Variants in STRADB observed in about 807,000 individuals in gnomAD.
STRADB encodes STE20 related adaptor beta, also known as STE20-related kinase adapter protein beta.
In STRADB, 34 loss-of-function variants were observed where a neutral mutation model predicts 52.1. The observed-to-expected ratio is 0.65, with a 90% confidence interval of 0.50 to 0.87. STRADB has a LOEUF of 0.87. Ranked by LOEUF, STRADB falls within the 40% of genes least tolerant of loss-of-function variation. The pLI, the probability that STRADB is intolerant of heterozygous loss-of-function variation, is 0.00. For synonymous variants in STRADB, 133 were observed against 174.5 expected (o/e 0.76, Z 1.87); for missense variants, 340 against 483.9 (o/e 0.70, Z 2.79).
chr2:201,463,331 CAAA>C (rs574453771), intron 3 of STRADB, among the ~76,000 whole-genome samples: 1 of 113,162 alleles, frequency 8.8e-6, no homozygotes, highest in African/African-American at 3.4e-5. Context: ...GAGACTGTCT[CAAA>C]AAAAAAAAAA....
intron 3 of STRADB, 114 bp downstream of exon 3, chr2:201,458,978 A>G (rs922642885): frequency 1.3e-6 from 1 of 796,724 alleles, no homozygotes; most frequent in Non-Finnish European, 2.0e-6. Flanking sequence ...CCTGGGCAAC[A>G]TAGTGAGATC....
intron 3 of STRADB, among the ~76,000 whole-genome samples, chr2:201,468,825 T>C (rs1178280208): frequency 6.6e-6 from 1 of 152,242 alleles, no homozygotes; most frequent in Non-Finnish European, 1.5e-5. Context: ...GTCTCTTTTA[T>C]GTGGTCATTA....
At chr2:201,471,579 T>A (rs1952389561) in intron 4 of STRADB, among the ~76,000 whole-genome samples, 1 of 152,164 alleles carries the variant, frequency 6.6e-6, no homozygotes, top group Non-Finnish European at 1.5e-5. Context: ...AGTCATACAG[T>A]TAGTGATTTG....
chr2:201,460,374 C>A (rs1300233719), intron 3 of STRADB, among the ~76,000 whole-genome samples: 2 of 152,020 alleles, frequency 1.3e-5, no homozygotes, highest in African/African-American at 4.8e-5. Flanking sequence ...TAAATCATTT[C>A]TTTGTGTTAT....
At chr2:201,452,678 A>C (rs1338264725) in intron 1 of STRADB, among the ~76,000 whole-genome samples, 1 of 152,224 alleles carries the variant, frequency 6.6e-6, no homozygotes, top group Non-Finnish European at 1.5e-5. Context: ...CAGTAATTTT[A>C]AAGCTCAACA....
chr2:201,460,901 A>T, intron 3 of STRADB: 1 of 144,108 alleles, frequency 6.9e-6, no homozygotes, highest in South Asian at 1.8e-4. Context: ...TCGCTGGATC[A>T]TATGGTAGTT....
At chr2:201,471,193 A>G (rs766789276) in intron 4 of STRADB, among the ~76,000 whole-genome samples, 57 of 152,240 alleles carry the variant, frequency 3.7e-4, no homozygotes, top group Non-Finnish European at 1.2e-4. Context: ...TGCCAATTCT[A>G]AAAAGGTAAA....
intron 3 of STRADB, among the ~76,000 whole-genome samples, chr2:201,462,696 T>C (rs1332137523): frequency 2.0e-5 from 3 of 152,218 alleles, no homozygotes; most frequent in Non-Finnish European, 4.4e-5. Flanking sequence ...TCATTCCTCC[T>C]GTTTTTTAAG....
intron 6 of STRADB, 113 bp from the exon 7 acceptor site, chr2:201,475,506 A>G (rs1201705916): frequency 1.6e-6 from 2 of 1,266,454 alleles, no homozygotes; most frequent in Non-Finnish European, 2.3e-6. Flanking sequence ...TTTGGGTTAG[A>G]CTCCAAAAAG....
At chr2:201,467,046 C>T (rs1199097143) in intron 3 of STRADB, among the ~76,000 whole-genome samples, 1 of 152,172 alleles carries the variant, frequency 6.6e-6, no homozygotes, top group Non-Finnish European at 1.5e-5. Context: ...GGATCATAAA[C>T]TGGATTTAGT....
At chr2:201,479,072 C>G (rs534107055) in intron 10 of STRADB, 1 of 175,542 alleles carries the variant, frequency 5.7e-6, no homozygotes, top group African/African-American at 2.5e-5. Context: ...GACTCCATCT[C>G]AAAAGAAAAA....
rs564232465 is a variant in STRADB, at chr2:201,453,858, A to T, written c.-95-888A>T. ...TGACGGTAATGAATGGTAGGTGGCT[A>T]AATGATCACAGCCTTTCAGGTCCGT... On this transcript the variant is annotated intron_variant, in intron 1 of 11. Coordinates refer to ENST00000194530, the MANE Select transcript of STRADB (RefSeq NM_018571.6). Among the ~76,000 whole-genome samples, 378 of 152,316 alleles carry T rather than the reference A, an allele frequency of 2.5e-3. 2 individuals are homozygous for T. The highest frequency in any genetic ancestry group is 8.4e-3 in the African/African-American group (349 of 41,564).
chr2:201,478,839 C>T (rs564675640), intron 10 of STRADB, among the ~76,000 whole-genome samples: 60 of 151,928 alleles, frequency 3.9e-4, no homozygotes, highest in Non-Finnish European at 6.8e-4. Context: ...TTTGGGAGGC[C>T]GAGGCGGGTG....
chr2:201,475,628 G>C lies in STRADB; in HGVS notation c.434G>C (p.Ser145Thr). 1 of 1,611,886 alleles carries C rather than the reference G, an allele frequency of 6.2e-7. No individual in the cohort carries two copies. The highest frequency in any genetic ancestry group is 1.3e-5 in the African/African-American group (1 of 74,946). Reference protein sequence around the residue: ...ISPFMAYGSASQLLRTYFPEG... With the variant: ...ISPFMAYGSATQLLRTYFPEG... Reference sequence around the variant, plus strand: ...TAGGGGTTTCTTTCAGGTTCAGCAAGTCAACTCTTGAGGACCTATTTTCCT... The same window carrying C: ...TAGGGGTTTCTTTCAGGTTCAGCAACTCAACTCTTGAGGACCTATTTTCCT... Residue 145 changes from serine to threonine, a missense_variant, in exon 7 of 12, where the codon AGT becomes ACT. Coordinates refer to ENST00000194530, the MANE Select transcript of STRADB (RefSeq NM_018571.6).
chr2:201,468,699 G>GT (rs1429719690), intron 3 of STRADB, among the ~76,000 whole-genome samples: 1 of 152,126 alleles, frequency 6.6e-6, no homozygotes, highest in African/African-American at 2.4e-5. Context: ...ACATTATGCC[G>GT]TTTTTTTCCA....
At chr2:201,468,085 C>CTTTTCTTTT (rs1559465545) in intron 3 of STRADB, among the ~76,000 whole-genome samples, 7 of 71,022 alleles carry the variant, frequency 9.9e-5, no homozygotes, top group Admixed American at 1.6e-4. Flanking sequence ...TTTTTTTTTT[C>CTTTTCTTTT]TTTTTTTTTT....
intron 2 of STRADB, among the ~76,000 whole-genome samples, chr2:201,455,662 C>A (rs1406873636): frequency 1.3e-5 from 2 of 151,716 alleles, no homozygotes; most frequent in African/African-American, 4.8e-5. Flanking sequence ...TGTGATCATG[C>A]CATTGCATTC....
intron 3 of STRADB, among the ~76,000 whole-genome samples, chr2:201,467,461 A>G (rs1952321653): frequency 6.6e-6 from 1 of 152,198 alleles, no homozygotes; most frequent in South Asian, 2.1e-4. Context: ...GGAAAGAGGC[A>G]GCTTGATGCC....
At chr2:201,463,852 C>T (rs992703769) in intron 3 of STRADB, among the ~76,000 whole-genome samples, 2 of 151,830 alleles carry the variant, frequency 1.3e-5, no homozygotes, top group African/African-American at 4.8e-5. Flanking sequence ...CTTTCTTCTG[C>T]TTGATCAGTT....
Sources: allele counts gnomAD v4.1 joint callset (sites outside exome capture counted in the v4.1 genomes callset), GRCh38; gene constraint gnomAD v4.1.1; transcripts MANE v1.5; gene names NCBI Gene and HGNC (gene_info 2026-07-23, HGNC 2026-07-21).